SRSF1: variants seen among roughly 807,000 people sequenced by gnomAD.
The protein encoded by SRSF1 is serine/arginine-rich splicing factor 1.
Under a neutral mutation model 25.9 loss-of-function variants are expected in SRSF1, and 1 was observed. The observed-to-expected ratio is 0.04, with a 90% CI of 0.01 to 0.18. SRSF1 has a LOEUF of 0.18. Among genes scored for constraint, SRSF1 ranks in the 10% least tolerant of loss-of-function variants. The pLI, the probability that SRSF1 is intolerant of heterozygous loss-of-function variation, is 1.00. For missense variants in SRSF1, 65 were observed against 350.5 expected (o/e 0.19, Z 6.50); for synonymous variants, 132 against 126.2 (o/e 1.05, Z -0.31).
rs559131168 is a variant in SRSF1, at chr17:58,001,296, A to G, written c.*4110T>C. Among the ~76,000 whole-genome samples the G allele has an allele frequency of 1.3e-5, 2 of 152,316 alleles. No homozygotes were observed. The highest frequency in any genetic ancestry group is 2.1e-4 in the South Asian group (1 of 4,830). On this transcript the variant is annotated 3_prime_UTR_variant, in exon 4 of 4. Transcript: ENST00000258962. ...AAAAGTTGAGATTCTACAATAAATC[A>G]TATTAAACGCAAGCACTATGATGCA... is the stretch of plus-strand genomic sequence containing the variant.
Position 58,006,626 on chromosome 17 carries a change from G to A in SRSF1, c.195-99C>T, listed in dbSNP as rs2075430418. ...CCCCCCGCACATGCGCACCCAACGT[G>A]GAAGAGCCCACATGCGCCGCATAAT... On this transcript the variant is annotated intron_variant, in intron 1 of 3. Coordinates refer to ENST00000258962, the MANE Select transcript of SRSF1 (RefSeq NM_006924.5). The A allele has an allele frequency of 7.3e-6, 10 of 1,373,004 alleles. 1 individual carries two copies. Among genetic ancestry groups the A allele is most frequent in the Middle Eastern group, 2.6e-4 (1 of 3,894 alleles). The allele number at this position is 1,373,004 out of a possible 1,614,324, so 85.1% of individuals were successfully genotyped here.
chr17:57,989,512 C>A, the SRSF1 span: 1 of 397,694 alleles, frequency 2.5e-6, no homozygotes, highest in Non-Finnish European at 4.4e-6. Flanking sequence ...CTCCAACTTC[C>A]CCCATAGACA....
rs527342950 is a variant in SRSF1 at position 58,002,563 on chromosome 17, A to C, written c.*2843T>G. Among the ~76,000 whole-genome samples the C allele has an allele frequency of 2.0e-5, 3 of 152,240 alleles. No individual in the cohort carries two copies. Among genetic ancestry groups the C allele is most frequent in the Non-Finnish European group, 4.4e-5 (3 of 68,040 alleles). On this transcript the variant is annotated 3_prime_UTR_variant, in exon 4 of 4. Transcript: ENST00000258962. The stretch of plus-strand genomic sequence containing the variant: ...AAGTTTTTAACTGCTTTGGTAGAGA[A>C]CACCAAAGTTTTTGGTACAAAATAA...
rs1024006582 is a variant in SRSF1, at chr17:58,003,004, T to C, written c.*2402A>G. On this transcript the variant is annotated 3_prime_UTR_variant, in exon 4 of 4. Transcript: ENST00000258962. ...TCCAGTCTGGAGAACAGAGCGAGAC[T>C]CTGTCTCAAAAACAAAAAACAGTTC... Among the ~76,000 whole-genome samples, 1 of 151,990 alleles carries C rather than the reference T, an allele frequency of 6.6e-6. No homozygotes were observed. The highest frequency in any genetic ancestry group is 1.5e-5 in the Non-Finnish European group (1 of 67,880).
chr17:58,006,618 C>A, intron 1 of SRSF1, 91 bp from the exon 2 acceptor site: 1 of 1,425,866 alleles, frequency 7.0e-7, no homozygotes, highest in Non-Finnish European at 9.4e-7. Context: ...CACATGCGCA[C>A]CCAACGTGGA....
Position 58,005,725 on chromosome 17 carries a change from TCCTTA to T in SRSF1, c.552+71_552+75del. On this transcript the variant is annotated intron_variant, in intron 3 of 3. Coordinates refer to ENST00000258962, the MANE Select transcript of SRSF1 (RefSeq NM_006924.5). The surrounding 1 kb of genome is among the most constrained non-coding windows in gnomAD (Gnocchi z 5.2). ...ATTTACTTGGACAACCTTGCCTGAA[TCCTTA>T]CCTTGAAATTCCACTGTTAAGACCA... 6.2e-7 allele frequency: 1 copy of T among 1,612,068 alleles called. No individual in the cohort carries two copies. The highest frequency in any genetic ancestry group is 8.5e-7 in the Non-Finnish European group (1 of 1,178,476).
the SRSF1 span, chr17:57,989,175 G>A: frequency 1.5e-5 from 6 of 398,552 alleles, no homozygotes; most frequent in Non-Finnish European, 2.2e-5. Context: ...CAAGTCTTCC[G>A]TGTAGGCGTC....
downstream of SRSF1, among the ~76,000 whole-genome samples, chr17:57,998,390 A>G (rs2075372936): frequency 6.6e-6 from 1 of 152,146 alleles, no homozygotes; most frequent in Admixed American, 6.5e-5. Context: ...ATAATTGTTG[A>G]AAGCTTATCC....
chr17:58,006,570 G>A (rs2075429719), intron 1 of SRSF1, 43 bp from the exon 2 acceptor site: 1 of 1,568,648 alleles, frequency 6.4e-7, no homozygotes, highest in Non-Finnish European at 8.7e-7. Flanking sequence ...AACACCAGGA[G>A]GAGAAGCTCG....
chr17:57,992,654 GA>G, the SRSF1 span: 1 of 152,132 alleles, frequency 6.6e-6, no homozygotes, highest in East Asian at 1.9e-4. Context: ...TACATGACCA[GA>G]AAAATACTGT....
intron 2 of SRSF1, 169 bp from the exon 3 acceptor site, chr17:58,006,142 G>C (rs948744122): frequency 1.0e-6 from 1 of 959,014 alleles, no homozygotes; most frequent in Non-Finnish European, 1.5e-6. Flanking sequence ...AAAATTATTT[G>C]TAACGATCTT....
chr17:57,999,686 G>A (rs1369765586), downstream of SRSF1, among the ~76,000 whole-genome samples: 2 of 152,172 alleles, frequency 1.3e-5, no homozygotes, highest in Non-Finnish European at 2.9e-5. Flanking sequence ...GCTCCCTCTA[G>A]TGGCTAAGTG....
chr17:57,992,329 T>C, the SRSF1 span: 1 of 152,194 alleles, frequency 6.6e-6, no homozygotes, highest in African/African-American at 2.4e-5. Context: ...TTTGGACACC[T>C]GTTCCTTACT....
rs1309408382 is a variant in SRSF1 at position 58,002,136 on chromosome 17, T to C, written c.*3270A>G. 1.3e-5 allele frequency among the ~76,000 whole-genome samples: 2 copies of C among 152,190 alleles called. No individual in the cohort carries two copies. The highest frequency in any genetic ancestry group is 2.9e-5 in the Non-Finnish European group (2 of 68,030). On this transcript the variant is annotated 3_prime_UTR_variant, in exon 4 of 4. Coordinates refer to ENST00000258962, the MANE Select transcript of SRSF1 (RefSeq NM_006924.5). ...AAAATGTTCTACACATAAAACTTCT[T>C]AGAATTTCAAGAATGTCATGTAAAA...
chr17:57,998,113 G>A (rs760186589), downstream of SRSF1, among the ~76,000 whole-genome samples: 2 of 152,148 alleles, frequency 1.3e-5, no homozygotes, highest in East Asian at 1.9e-4. Context: ...CTACTTGGGA[G>A]GCAGGAGAAT....
Position 58,001,010 on chromosome 17 carries a change from A to G in SRSF1, c.*4396T>C, listed in dbSNP as rs1051407550. On this transcript the variant is annotated 3_prime_UTR_variant, in exon 4 of 4. Transcript: ENST00000258962. The stretch of plus-strand genomic sequence containing the variant: ...TTTCAAAAAATGGATAAGAGACTGT[A>G]ATCTGTTTTCTGCGTTTGCAGTCTT... Among the ~76,000 whole-genome samples, 6 of 152,196 alleles carry G rather than the reference A, an allele frequency of 3.9e-5. No individual in the cohort carries two copies. Among genetic ancestry groups the G allele is most frequent in the Non-Finnish European group, 7.4e-5 (5 of 68,008 alleles).
the SRSF1 span, chr17:57,989,513 C>G: frequency 3.0e-5 from 12 of 397,556 alleles, no homozygotes; most frequent in Non-Finnish European, 4.9e-5. Context: ...TCCAACTTCC[C>G]CCATAGACAA....
At chr17:57,996,753 T>C (rs548673660), downstream of SRSF1, among the ~76,000 whole-genome samples, 4 of 152,238 alleles carry the variant, frequency 2.6e-5, no homozygotes, top group East Asian at 7.7e-4. Flanking sequence ...GGTGTTAAAA[T>C]GTATGGATGC....
At position 58,006,403 on chromosome 17, in the gene SRSF1, C is replaced by T. The variant is rs1483529077; in HGVS notation, c.319G>A (p.Ala107Thr). Residue 107 changes from alanine (A) to threonine (T), a missense_variant, in exon 2 of 4, where the codon GCT becomes ACT. Physicochemically the swap from Ala to Thr is moderately conservative, Grantham distance 58. Transcript: ENST00000258962. ...RGGGGGGGGG[A>T]PRGRYGPPSR... Reference sequence around the variant, plus strand: ...GGGGGGCCATAGCGACCTCGGGGAGCTCCGCCACCTCCACCCCCGCCGCCG... The same window carrying T: ...GGGGGGCCATAGCGACCTCGGGGAGTTCCGCCACCTCCACCCCCGCCGCCG... The T allele has an allele frequency of 6.2e-7, 1 of 1,613,074 alleles. No individual in the cohort carries two copies. The highest frequency in any genetic ancestry group is 8.5e-7 in the Non-Finnish European group (1 of 1,180,004).
Sources: gnomAD v4.1 joint callset for allele counts (sites outside exome capture counted in the v4.1 genomes callset) on GRCh38, gnomAD v4.1.1 for gene constraint, Gnocchi (gnomAD v3.1) non-coding constraint, MANE v1.5 for transcripts, NCBI Gene and HGNC (gene_info 2026-07-23, HGNC 2026-07-21) for gene names.